Variants in LRRIQ1 observed in about 807,000 individuals in gnomAD.
LRRIQ1 encodes the protein leucine-rich repeat- and IQ domain-containing protein 1.
A neutral mutation model predicts 211.9 loss-of-function variants in LRRIQ1; 210 were observed. The observed-to-expected ratio is 0.99, with a 90% CI of 0.89 to 1.11. The LOEUF is 1.11. Among genes scored for constraint, LRRIQ1 ranks in the 50% most tolerant of loss-of-function variants. LRRIQ1 has a pLI of 0.00. For synonymous variants in LRRIQ1, 699 were observed against 650.1 expected (o/e 1.08, Z -1.14); for missense variants, 2,136 against 1,939.5 (o/e 1.10, Z -1.90).
At position 85,047,373 on chromosome 12, in the gene LRRIQ1, A is replaced by C. The variant is rs761527744; in HGVS notation, c.581A>C (p.Asp194Ala). 21 of 1,607,016 alleles carry C rather than the reference A, an allele frequency of 1.3e-5. No individual in the cohort carries two copies. Among genetic ancestry groups the C allele is most frequent in the Non-Finnish European group, 1.8e-5 (21 of 1,173,754 alleles). ...KEKQTLKAQR[D>A]REEKQFQEEE... ...AAACAAACTCTCAAAGCTCAGAGGG[A>C]TAGAGAAGAAAAACAATTTCAAGAA... Residue 194 changes from aspartate (D) to alanine (A), a missense_variant, in exon 6 of 27, where the codon GAT becomes GCT. Transcript: ENST00000393217.
intron 11 of LRRIQ1, among the ~76,000 whole-genome samples, chr12:85,091,131 A>G (rs1256616567): frequency 6.6e-6 from 1 of 151,828 alleles, no homozygotes; most frequent in African/African-American, 2.4e-5. Flanking sequence ...GCCTTTTACG[A>G]TGATTGTAAG....
intron 11 of LRRIQ1, 103 bp downstream of exon 11, chr12:85,073,201 T>A (rs1458165394): frequency 1.9e-5 from 13 of 683,848 alleles, no homozygotes; most frequent in East Asian, 3.0e-5. Context: ...TTTATTTTTT[T>A]AAATATAGGT....
Position 85,121,742 on chromosome 12 carries a change from CAA to C in LRRIQ1, c.3424_3425del (p.Asn1142TyrfsTer5). ...TGCCTGCTCTGAGAATCCTCAATGG[CAA>C]TATACTAAACTCTAATTCAGAAAGC... ...VLPALRILNGNILNSNSESRT... is the reference protein window; with the variant it reads ...VLPALRILNGXILNSNSESRT... On this transcript the variant is annotated frameshift_variant, in exon 16 of 27. Coordinates refer to ENST00000393217, the MANE Select transcript of LRRIQ1 (RefSeq NM_001079910.2). LOFTEE classifies it high-confidence loss of function. 1 of 1,603,828 alleles carries C rather than the reference CAA, an allele frequency of 6.2e-7. No homozygotes were observed. The highest frequency in any genetic ancestry group is 1.7e-5 in the Admixed American group (1 of 58,316).
chr12:85,230,533 A>G (rs942438960), intron 25 of LRRIQ1, among the ~76,000 whole-genome samples: 2 of 152,192 alleles, frequency 1.3e-5, no homozygotes, highest in African/African-American at 4.8e-5. Flanking sequence ...ATCTCTAAGT[A>G]CAGCCATATT....
chr12:85,073,428 G>T (rs1346511264), intron 11 of LRRIQ1, among the ~76,000 whole-genome samples: 2 of 152,008 alleles, frequency 1.3e-5, no homozygotes, highest in African/African-American at 4.8e-5. Flanking sequence ...TTTTGTTGTT[G>T]TTGGAGTGAA....
At chr12:85,064,708 G>T (rs1005049448) in intron 8 of LRRIQ1, among the ~76,000 whole-genome samples, 1 of 151,762 alleles carries the variant, frequency 6.6e-6, no homozygotes, top group African/African-American at 2.4e-5. Flanking sequence ...TTTGTGTGTG[G>T]TAAGAGATGG....
intron 18 of LRRIQ1, among the ~76,000 whole-genome samples, chr12:85,135,062 T>C (rs757787804): frequency 7.9e-5 from 12 of 152,072 alleles, no homozygotes; most frequent in Non-Finnish European, 1.2e-4. Context: ...TAGCATTTAA[T>C]ACGTCTTTGC....
intron 24 of LRRIQ1, among the ~76,000 whole-genome samples, chr12:85,207,281 G>T (rs1036399016): frequency 4.0e-5 from 6 of 151,780 alleles, no homozygotes; most frequent in African/African-American, 1.5e-4. Context: ...TCCTTCCAAA[G>T]ATGTGTTTGA....
intron 19 of LRRIQ1, among the ~76,000 whole-genome samples, chr12:85,145,919 TATCC>T: frequency 6.6e-6 from 1 of 151,690 alleles, no homozygotes; most frequent in Non-Finnish European, 1.5e-5. Context: ...ATCCCAAAAA[TATCC>T]ATCCCTTGTT....
At chr12:85,063,135 C>G (rs148578627) in intron 8 of LRRIQ1, among the ~76,000 whole-genome samples, 1 of 151,244 alleles carries the variant, frequency 6.6e-6, no homozygotes, top group African/African-American at 2.4e-5. Context: ...ATTTTTTTTC[C>G]CATTCTGTAG....
intron 15 of LRRIQ1, among the ~76,000 whole-genome samples, chr12:85,115,826 T>A (rs1252217051): frequency 6.6e-6 from 1 of 152,156 alleles, no homozygotes; most frequent in Non-Finnish European, 1.5e-5. Context: ...AAATATTTTT[T>A]ATTAAATAAA....
At chr12:85,049,837 C>G (rs937959760) in intron 6 of LRRIQ1, among the ~76,000 whole-genome samples, 3 of 152,144 alleles carry the variant, frequency 2.0e-5, no homozygotes, top group African/African-American at 7.2e-5. Context: ...CTATTTTGGA[C>G]TCTGTAGCAT....
intron 11 of LRRIQ1, among the ~76,000 whole-genome samples, chr12:85,079,315 G>A (rs1438172830): frequency 1.5e-5 from 2 of 135,336 alleles, no homozygotes; most frequent in African/African-American, 5.8e-5. Flanking sequence ...TCCGCCTCCC[G>A]GGTTCAAGCA....
intron 6 of LRRIQ1, among the ~76,000 whole-genome samples, chr12:85,051,243 G>A (rs979700337): frequency 5.9e-5 from 9 of 151,714 alleles, no homozygotes; most frequent in East Asian, 1.9e-4. Flanking sequence ...CTCTTCCACC[G>A]TGAGTAAAAG....
chr12:85,240,143 A>AAT (rs1407253990), intron 26 of LRRIQ1, among the ~76,000 whole-genome samples: 1 of 152,290 alleles, frequency 6.6e-6, no homozygotes, highest in East Asian at 1.9e-4. Context: ...CAATTCAGAA[A>AAT]ATAAACAGAA....
chr12:85,198,369 T>C (rs1893109218), intron 24 of LRRIQ1, among the ~76,000 whole-genome samples: 1 of 151,078 alleles, frequency 6.6e-6, no homozygotes, highest in African/African-American at 2.4e-5. Flanking sequence ...TTTTAAGTTA[T>C]TTCATAAATT....
At chr12:85,192,412 T>C (rs984854030) in intron 24 of LRRIQ1, among the ~76,000 whole-genome samples, 9 of 134,668 alleles carry the variant, frequency 6.7e-5, no homozygotes, top group African/African-American at 1.1e-4. Context: ...ATTTATATAA[T>C]TATATACATT....
intron 11 of LRRIQ1, among the ~76,000 whole-genome samples, chr12:85,075,998 A>T (rs1407640142): frequency 6.6e-6 from 1 of 152,148 alleles, no homozygotes; most frequent in Non-Finnish European, 1.5e-5. Flanking sequence ...CTAATTTTTA[A>T]ATTACCTTAT....
chr12:85,044,848 CA>C (rs764007947), intron 4 of LRRIQ1, 39 bp downstream of exon 4: 1 of 941,202 alleles, frequency 1.1e-6, no homozygotes, highest in Non-Finnish European at 1.6e-6. Flanking sequence ...TTCACTATTA[CA>C]ATTAGAAATT....
Sources: gnomAD v4.1 joint callset for allele counts (sites outside exome capture counted in the v4.1 genomes callset) on GRCh38, gnomAD v4.1.1 for gene constraint, MANE v1.5 for transcripts, NCBI Gene and HGNC (gene_info 2026-07-23, HGNC 2026-07-21) for gene names.